ARMC2: variants seen among roughly 807,000 people sequenced by gnomAD.
ARMC2 encodes armadillo repeat-containing protein 2.
ARMC2 carries 67 observed loss-of-function variants against 90.3 expected under a neutral mutation model. That is an observed-to-expected ratio of 0.74 (90% confidence interval 0.61 to 0.91). The LOEUF is 0.91. Among genes scored for constraint, ARMC2 ranks in the 40% least tolerant of loss-of-function variants. The pLI is 0.00. For synonymous variants in ARMC2, 393 were observed against 393.0 expected, an observed-to-expected ratio of 1.00 and a Z score of 0.00; for missense variants, 920 against 1,030.9, an observed-to-expected ratio of 0.89 and a Z score of 1.47.
chr6:108,857,572 C>CT (rs1436363462), intron 2 of ARMC2, among the ~76,000 whole-genome samples: 1 of 152,144 alleles, frequency 6.6e-6, no homozygotes, highest in East Asian at 1.9e-4. Context: ...AGGGGACATC[C>CT]TTGCCTTCTT....
At chr6:109,043,937 T>C in the ARMC2 span, among the ~76,000 whole-genome samples, 2 of 152,068 alleles carry the variant, frequency 1.3e-5, no homozygotes, top group Admixed American at 6.5e-5. Flanking sequence ...CAGCATGATA[T>C]TGGTGAAAGG....
chr6:108,900,189 G>T (rs1249689506), intron 7 of ARMC2, among the ~76,000 whole-genome samples: 2 of 152,208 alleles, frequency 1.3e-5, no homozygotes, highest in African/African-American at 4.8e-5. Context: ...GTCCTTGACA[G>T]GTGTGCCCGT....
intron 10 of ARMC2, among the ~76,000 whole-genome samples, chr6:108,921,798 A>C (rs972919994): frequency 6.6e-6 from 1 of 152,218 alleles, no homozygotes; most frequent in Non-Finnish European, 1.5e-5. Context: ...ATTCTTTTAC[A>C]TCATCAGTGG....
the ARMC2 span, among the ~76,000 whole-genome samples, chr6:109,017,349 A>T: frequency 1.3e-5 from 2 of 152,084 alleles, no homozygotes; most frequent in Non-Finnish European, 2.9e-5. Flanking sequence ...GCAGTGGTGC[A>T]ATCTTGGCTC....
intron 7 of ARMC2, among the ~76,000 whole-genome samples, chr6:108,902,648 ATGTTAT>A (rs1053449136): frequency 1.3e-5 from 2 of 152,112 alleles, no homozygotes; most frequent in African/African-American, 4.8e-5. Flanking sequence ...TTTTTCTTAG[ATGTTAT>A]TGTTGAAAAG....
At chr6:108,932,881 A>T (rs2128490263) in intron 11 of ARMC2, among the ~76,000 whole-genome samples, 1 of 152,108 alleles carries the variant, frequency 6.6e-6, no homozygotes, top group East Asian at 1.9e-4. Flanking sequence ...GTAGGTATGC[A>T]GCCTTATTTC....
chr6:108,866,059 T>C (rs1314838286), intron 3 of ARMC2, among the ~76,000 whole-genome samples: 1 of 151,564 alleles, frequency 6.6e-6, no homozygotes, highest in African/African-American at 2.4e-5. Context: ...TTAGTACAGT[T>C]TGGGTGTCTG....
the ARMC2 span, among the ~76,000 whole-genome samples, chr6:108,979,494 A>G: frequency 6.6e-6 from 1 of 152,024 alleles, no homozygotes; most frequent in Non-Finnish European, 1.5e-5. Flanking sequence ...TTCGAGGAGT[A>G]TCTTTGTGGT....
Position 108,899,709 on chromosome 6 carries a change from T to C in ARMC2, c.764T>C (p.Leu255Pro), listed in dbSNP as rs957663376. The C allele has an allele frequency of 1.2e-6, 2 of 1,613,440 alleles. No homozygotes were observed. The highest frequency in any genetic ancestry group is 1.7e-5 in the Admixed American group (1 of 59,960). Reference sequence around the variant, plus strand: ...TCTTTTGCAGTCCCAAAAGCTGACCTGCAAGAAGAGGACGCAGAAATAGAA... The same window carrying C: ...TCTTTTGCAGTCCCAAAAGCTGACCCGCAAGAAGAGGACGCAGAAATAGAA... ...LQTKAVPKADLQEEDAEIEVD... is the reference protein window; with the variant it reads ...LQTKAVPKADPQEEDAEIEVD... Residue 255 changes from leucine (L) to proline (P), a missense_variant, in exon 7 of 18, where the codon CTG (leucine) becomes CCG (proline). Coordinates refer to ENST00000392644, the MANE Select transcript of ARMC2 (RefSeq NM_032131.6).
chr6:109,026,382 A>G, the ARMC2 span, among the ~76,000 whole-genome samples: 1 of 152,214 alleles, frequency 6.6e-6, no homozygotes, highest in South Asian at 2.1e-4. Flanking sequence ...TTATGGGTAA[A>G]ATTCTCACCT....
chr6:108,954,985 C>G (rs1777465600), intron 13 of ARMC2, among the ~76,000 whole-genome samples: 1 of 152,176 alleles, frequency 6.6e-6, no homozygotes, highest in African/African-American at 2.4e-5. Flanking sequence ...GTTGATTGCC[C>G]TCTCACTGGG....
the ARMC2 span, among the ~76,000 whole-genome samples, chr6:109,044,839 C>T: frequency 2.0e-5 from 3 of 152,156 alleles, no homozygotes; most frequent in East Asian, 5.8e-4. Context: ...GCCTGACCAA[C>T]ATGAAGAAAC....
At chr6:108,888,064 C>G (rs568166097) in intron 5 of ARMC2, among the ~76,000 whole-genome samples, 274 of 152,350 alleles carry the variant, frequency 1.8e-3, no homozygotes, top group African/African-American at 6.4e-3. Flanking sequence ...AACATCTCCT[C>G]TCTGTCCTCA....
intron 17 of ARMC2, among the ~76,000 whole-genome samples, chr6:108,966,412 C>A (rs1174354969): frequency 6.6e-6 from 1 of 152,058 alleles, no homozygotes; most frequent in Non-Finnish European, 1.5e-5. Context: ...GTACAAAGAG[C>A]CTAACACAGT....
chr6:108,879,703 A>G (rs2128442103), intron 5 of ARMC2, among the ~76,000 whole-genome samples: 1 of 152,206 alleles, frequency 6.6e-6, no homozygotes, highest in African/African-American at 2.4e-5. Flanking sequence ...TCAAACTATC[A>G]TGGTTTGGAA....
chr6:108,997,425 A>G, the ARMC2 span, among the ~76,000 whole-genome samples: 1 of 152,176 alleles, frequency 6.6e-6, no homozygotes, highest in African/African-American at 2.4e-5. Context: ...ACATGAATCT[A>G]GGCAGCTCAA....
intron 17 of ARMC2, among the ~76,000 whole-genome samples, chr6:108,970,334 CAG>C (rs1254335332): frequency 6.6e-6 from 1 of 152,064 alleles, no homozygotes; most frequent in Non-Finnish European, 1.5e-5. Context: ...ACTCACCCAA[CAG>C]AGATTTTGCT....
At chr6:108,982,901 ATC>A in the ARMC2 span, among the ~76,000 whole-genome samples, 1 of 150,408 alleles carries the variant, frequency 6.6e-6, no homozygotes, top group Non-Finnish European at 1.5e-5. Flanking sequence ...GCTCACTGCA[ATC>A]TCCGCTTCCC....
chr6:109,023,371 T>C, the ARMC2 span, among the ~76,000 whole-genome samples: 1 of 152,236 alleles, frequency 6.6e-6, no homozygotes, highest in African/African-American at 2.4e-5. Flanking sequence ...AATGTTATCA[T>C]GCTGAATAAG....
Sources: allele counts gnomAD v4.1 joint callset (sites outside exome capture counted in the v4.1 genomes callset), GRCh38; gene constraint gnomAD v4.1.1; transcripts MANE v1.5; gene names NCBI Gene and HGNC (gene_info 2026-07-23, HGNC 2026-07-21).